ZNF24: variants seen among roughly 807,000 people sequenced by gnomAD.
ZNF24 encodes the protein retinoic acid suppression protein A.
In ZNF24, 11 loss-of-function variants were observed where a neutral mutation model predicts 40.9. The observed-to-expected ratio is 0.27, with a 90% CI of 0.17 to 0.45. The LOEUF (loss-of-function observed/expected upper bound fraction) is 0.45, where lower values mean the gene tolerates loss of function less well. ZNF24 is among the 20% of genes least tolerant of loss of function. ZNF24 has a pLI of 1.00. For synonymous variants in ZNF24, 139 were observed against 154.7 expected (o/e 0.90, Z 0.75); for missense variants, 293 against 437.7 (o/e 0.67, Z 2.95).
chr18:35,338,557 C>CTTCATGCCTTAAGGAGTAAAGATCCAG, intron 3 of ZNF24: 1 of 986,450 alleles, frequency 1.0e-6, no homozygotes, highest in Non-Finnish European at 1.2e-6. Context: ...TTTTCTAAAA[C>CTTCATGCCTTAAGGAGTAAAGATCCAG]TTCATGCCTT....
rs774969130 is a variant in ZNF24 at position 35,335,753 on chromosome 18, G to A, written c.*1479C>T. On this transcript the variant is annotated 3_prime_UTR_variant, in exon 4 of 4. Transcript: ENST00000261332. The stretch of plus-strand genomic sequence containing the variant: ...TACTTTAATACATTTTAAAAAATGT[G>A]TTAAGACTGAAAATTAAAAAAAAAT... The A allele has an allele frequency of 8.6e-5, 13 of 151,956 alleles. No individual in the cohort carries two copies. Among genetic ancestry groups the A allele is most frequent in the Non-Finnish European group, 1.8e-4 (12 of 68,010 alleles). The allele number at this position is 151,956 out of a possible 1,614,324, so 9.4% of individuals were successfully genotyped here.
intron 1 of ZNF24, chr18:35,342,516 T>C: frequency 6.6e-6 from 1 of 151,898 alleles, no homozygotes; most frequent in Non-Finnish European, 1.5e-5. Context: ...GGTCCATTCA[T>C]GGTAAGTGCC....
In ZNF24 at chr18:35,340,283, G is replaced by GCCT. The variant is rs1294262193; in HGVS notation, c.365_367dup (p.Glu122dup). The GCCT allele has an allele frequency of 6.2e-7, 1 of 1,614,210 alleles. No homozygotes were observed. The highest frequency in any genetic ancestry group is 8.5e-7 in the Non-Finnish European group (1 of 1,180,022). On this transcript the variant is annotated inframe_insertion, in exon 2 of 4. Transcript: ENST00000261332. This position sits in a 1 kb window ranked among gnomAD's most constrained non-coding sequence, Gnocchi z 4.6. ...CTCCAAATCCTCCAGCACTGTCACT[G>GCCT]CCTCCTCTCCATTCTCTGGATGATG...
At chr18:35,342,664 G>A (rs1163176364) in intron 1 of ZNF24, 2 of 151,902 alleles carry the variant, frequency 1.3e-5, no homozygotes, top group East Asian at 3.9e-4. Flanking sequence ...ATGCCGTACC[G>A]GTTTGTAGCC....
intron 3 of ZNF24, chr18:35,338,060 T>A: frequency 1.6e-6 from 1 of 638,244 alleles, no homozygotes; most frequent in Non-Finnish European, 2.0e-6. Flanking sequence ...AGGGAGATAG[T>A]CAAAATGATG....
intron 1 of ZNF24, among the ~76,000 whole-genome samples, chr18:35,342,957 C>G (rs1218785974): frequency 6.6e-6 from 1 of 152,100 alleles, no homozygotes; most frequent in Non-Finnish European, 1.5e-5. Flanking sequence ...TGTGCCTGAC[C>G]CTGGAACGCA....
intron 3 of ZNF24, chr18:35,339,026 A>T (rs764580116): frequency 1.3e-6 from 2 of 1,536,060 alleles, no homozygotes; most frequent in Non-Finnish European, 8.7e-7. Flanking sequence ...CTCAGACCTC[A>T]TTCAGTGGCA....
rs1317489734 is a variant in ZNF24, at chr18:35,340,123, A to G, written c.420+108T>C. ...ACAAGGAGTGGTAGGGGAATGGGGG[A>G]AAAGGCATAAACATAATTCTAACTT... On this transcript the variant is annotated intron_variant, in intron 2 of 3. Transcript: ENST00000261332. The surrounding 1 kb of genome is among the most constrained non-coding windows in gnomAD (Gnocchi z 4.6). The G allele has an allele frequency of 2.7e-6, 4 of 1,490,372 alleles. No individual in the cohort carries two copies. Among genetic ancestry groups the G allele is most frequent in the Non-Finnish European group, 3.6e-6 (4 of 1,095,936 alleles). The allele number at this position is 1,490,372 out of a possible 1,614,324, so 92.3% of individuals were successfully genotyped here. A position where few individuals can be genotyped will look rare whatever the true frequency, so the allele number is the denominator to read the frequency against.
At position 35,332,978 on chromosome 18, in the gene ZNF24, G is replaced by C. The variant is rs532826199; in HGVS notation, c.*4254C>G. On this transcript the variant is annotated 3_prime_UTR_variant, in exon 4 of 4. Coordinates refer to ENST00000261332, the MANE Select transcript of ZNF24 (RefSeq NM_006965.4). ...TCGCCCAACAGATAAAAACTATCAA[G>C]TGTAGGTATGGTTATATGGGGAAAT... 89 of 152,184 alleles carry C rather than the reference G, an allele frequency of 5.8e-4. No individual in the cohort carries two copies. The highest frequency in any genetic ancestry group is 2.1e-3 in the African/African-American group (87 of 41,514). The allele number at this position is 152,184 out of a possible 1,614,324, so 9.4% of individuals were successfully genotyped here. A position where few individuals can be genotyped will look rare whatever the true frequency, so the allele number is the denominator to read the frequency against.
At chr18:35,342,649 G>A (rs571181987) in intron 1 of ZNF24, 1 of 151,944 alleles carries the variant, frequency 6.6e-6, no homozygotes, top group Admixed American at 6.6e-5. Context: ...ATTCAGTACA[G>A]CAACATGCCG....
In ZNF24 at chr18:35,340,791, C is replaced by A; in HGVS notation, c.-83-58G>T. On this transcript the variant is annotated intron_variant, in intron 1 of 3. Transcript: ENST00000261332. The surrounding 1 kb of genome is among the most constrained non-coding windows in gnomAD (Gnocchi z 4.6). ...AGCAAAAATATCCTAAGAATTTGAA[C>A]TTATACTGGTAAAAGTAAAAGATAC... 1.4e-6 allele frequency: 1 copy of A among 736,354 alleles called. No homozygotes were observed. The highest frequency in any genetic ancestry group is 2.1e-6 in the Non-Finnish European group (1 of 472,156). The allele number at this position is 736,354 out of a possible 1,614,324, so 45.6% of individuals were successfully genotyped here. A position where few individuals can be genotyped will look rare whatever the true frequency, so the allele number is the denominator to read the frequency against.
chr18:35,335,088 A>G lies in ZNF24; in HGVS notation c.*2144T>C, dbSNP rs986943503. The G allele has an allele frequency of 6.6e-6, 1 of 152,210 alleles. No individual in the cohort carries two copies. Among genetic ancestry groups the G allele is most frequent in the African/African-American group, 2.4e-5 (1 of 41,466 alleles). The allele number at this position is 152,210 out of a possible 1,614,324, so 9.4% of individuals were successfully genotyped here. Reference sequence around the variant, plus strand: ...ATACGATCTTAAAAAGCATGACATAATAGCCATTGAGAGGTTGCTCCCTTC... The same window carrying G: ...ATACGATCTTAAAAAGCATGACATAGTAGCCATTGAGAGGTTGCTCCCTTC... On this transcript the variant is annotated 3_prime_UTR_variant, in exon 4 of 4. Coordinates refer to ENST00000261332, the MANE Select transcript of ZNF24 (RefSeq NM_006965.4).
Position 35,339,942 on chromosome 18 carries a change from A to G in ZNF24, c.455T>C (p.Val152Ala), listed in dbSNP as rs2044951056. 2 of 1,611,648 alleles carry G rather than the reference A, an allele frequency of 1.2e-6. No individual in the cohort carries two copies. The highest frequency in any genetic ancestry group is 1.7e-6 in the Non-Finnish European group (2 of 1,177,860). ...SLRRRKREVL[V>A]EDMVSQEEAQ... ...TTCTTCTTGAGATACCATGTCTTCT[A>G]CTAGTACTTCCCGTTTTCGTCGACG... is the stretch of plus-strand genomic sequence containing the variant. Residue 152 changes from valine (V) to alanine (A), a missense_variant, in exon 3 of 4, where the codon GTA becomes GCA. Val to Ala is a moderately conservative substitution (Grantham distance 64). Around this residue, in one of 2 missense-constraint regions of ZNF24, gnomAD observed 234 missense variants for 299.2 expected, o/e 0.78. Transcript: ENST00000261332.
rs1192183545 is a variant in ZNF24, at chr18:35,340,048, C to T, written c.421-72G>A. 1.3e-6 allele frequency: 2 copies of T among 1,542,006 alleles called. No individual in the cohort carries two copies. The highest frequency in any genetic ancestry group is 1.4e-5 in the African/African-American group (1 of 72,730). ...CAGAACTAAAAACACGTAAGAGAAA[C>T]CCCATGAAACAAATACTGCAGAAGC... On this transcript the variant is annotated intron_variant, in intron 2 of 3. Transcript: ENST00000261332. The surrounding 1 kb of genome is among the most constrained non-coding windows in gnomAD (Gnocchi z 4.6).
chr18:35,336,876 C>T lies in ZNF24; in HGVS notation c.*356G>A, dbSNP rs1296282720. ...TAAGGGAATGTATCCATATAAAGAA[C>T]ATTTCAATGATCAATGCAGAAATAA... On this transcript the variant is annotated 3_prime_UTR_variant, in exon 4 of 4. Transcript: ENST00000261332. The T allele has an allele frequency of 5.8e-6, 1 of 173,122 alleles. No homozygotes were observed. Among genetic ancestry groups the T allele is most frequent in the Non-Finnish European group, 1.2e-5 (1 of 82,580 alleles). The allele number at this position is 173,122 out of a possible 1,614,324, so 10.7% of individuals were successfully genotyped here.
intron 3 of ZNF24, chr18:35,338,688 T>C (rs1032928837): frequency 1.8e-6 from 2 of 1,088,082 alleles, no homozygotes; most frequent in Non-Finnish European, 2.2e-6. Flanking sequence ...ACTGAAAGGT[T>C]AGAGGAGGAT....
chr18:35,344,376 C>G lies in ZNF24; in HGVS notation c.-100G>C, dbSNP rs932351416. On this transcript the variant is annotated 5_prime_UTR_variant, in exon 1 of 4. Coordinates refer to ENST00000261332, the MANE Select transcript of ZNF24 (RefSeq NM_006965.4). ...CCCGCACACCGGCGCAAACCTCCGG[C>G]TCAGGAACCGCAGCAGCTTCGCTGT... The G allele has an allele frequency of 6.6e-6, 1 of 152,394 alleles. No homozygotes were observed. Among genetic ancestry groups the G allele is most frequent in the Non-Finnish European group, 1.5e-5 (1 of 68,162 alleles). 9.4% of individuals were successfully genotyped at this position (152,394 alleles called of 1,614,324 possible).
Position 35,333,469 on chromosome 18 carries a change from A to AAGGT in ZNF24, c.*3759_*3762dup, listed in dbSNP as rs1330273827. The AAGGT allele has an allele frequency of 2.0e-5, 3 of 152,324 alleles. No individual in the cohort carries two copies. Among genetic ancestry groups the AAGGT allele is most frequent in the Admixed American group, 6.5e-5 (1 of 15,298 alleles). 9.4% of individuals were successfully genotyped at this position (152,324 alleles called of 1,614,324 possible). On this transcript the variant is annotated 3_prime_UTR_variant, in exon 4 of 4. Transcript: ENST00000261332. ...AGAACTGTGTTTTTTATACAATGAG[A>AAGGT]AGGTAGTCATTAGACTTTCATAATT...
chr18:35,337,878 AC>A (rs1221841102), intron 3 of ZNF24, 108 bp from the exon 4 acceptor site: 1 of 894,238 alleles, frequency 1.1e-6, no homozygotes, highest in African/African-American at 1.7e-5. Context: ...ACATCTATAA[AC>A]CACTCTGACA....
Sources: gnomAD v4.1 joint callset for allele counts (sites outside exome capture counted in the v4.1 genomes callset) on GRCh38, gnomAD v4.1.1 for gene constraint, gnomAD v4.1.1 regional missense constraint, Gnocchi (gnomAD v3.1) non-coding constraint, MANE v1.5 for transcripts, NCBI Gene and HGNC (gene_info 2026-07-23, HGNC 2026-07-21) for gene names.